Variants in NUP98 observed in about 807,000 individuals in gnomAD.
NUP98 encodes nucleoporin 98 and 96 precursor.
Under a neutral mutation model 191.9 loss-of-function variants are expected in NUP98, and 26 were observed. That is an observed-to-expected ratio of 0.14 (90% CI 0.10 to 0.19). NUP98 has a LOEUF of 0.19. Ranked by LOEUF, NUP98 falls within the 10% of genes least tolerant of loss-of-function variation. The probability of loss-of-function intolerance (pLI) is 1.00; values close to 1 mark genes in which losing one functional copy is unlikely to be tolerated. For synonymous variants in NUP98, 808 were observed against 778.4 expected (o/e 1.04, Z -0.63); for missense variants, 1,941 against 2,178.8 (o/e 0.89, Z 2.17).
At position 3,676,307 on chromosome 11, in the gene NUP98, G is replaced by A; in HGVS notation, c.5255C>T (p.Ser1752Phe). 6.2e-7 allele frequency: 1 copy of A among 1,614,136 alleles called. No individual in the cohort carries two copies. The highest frequency in any genetic ancestry group is 1.1e-5 in the South Asian group (1 of 91,086). The change falls in exon 33 of 33, where the codon TCC (serine) becomes TTC (phenylalanine). Residue 1752 changes from serine to phenylalanine, a missense_variant. This residue lies in a region of NUP98 where 1,030 missense variants were observed against 1,115.8 expected (regional missense o/e 0.92). Transcript: ENST00000324932. ...TCGCTGAGGGTCTGGTGTTGAGTCG[G>A]AGGTTCTATCAGGAGGATGATGCAG... is the stretch of plus-strand genomic sequence containing the variant. ...LSLHHPPDRT[S>F]DSTPDPQRVP... is the part of the protein sequence containing the mutation.
intron 17 of NUP98, 119 bp downstream of exon 17, chr11:3,720,593 C>T: frequency 2.0e-6 from 1 of 512,142 alleles, no homozygotes; most frequent in Non-Finnish European, 3.5e-6. Context: ...ATTTAAGATT[C>T]AGGCCAAGGT....
At chr11:3,768,483 G>T in intron 8 of NUP98, 98 bp downstream of exon 8, 9 of 992,120 alleles carry the variant, frequency 9.1e-6, no homozygotes, top group African/African-American at 1.7e-5. Flanking sequence ...CTTAAGATTT[G>T]CAGTACAGGT....
At position 3,676,526 on chromosome 11, in the gene NUP98, T is replaced by A; in HGVS notation, c.5168A>T (p.Asp1723Val). The A allele has an allele frequency of 1.2e-6, 2 of 1,614,028 alleles. No homozygotes were observed. Among genetic ancestry groups the A allele is most frequent in the South Asian group, 1.1e-5 (1 of 91,074 alleles). The stretch of plus-strand genomic sequence containing the variant: ...AGGCTTACCTGACTGAGCCAGGCGA[T>A]CTTTAGCACTGTAACACTGAATCTG... Reference protein sequence around the residue: ...IEQIQCYSAKDRLAQSDMAKR... With the variant: ...IEQIQCYSAKVRLAQSDMAKR... Residue 1723 changes from aspartate to valine, a missense_variant, in exon 32 of 33, where the codon GAT (aspartate) becomes GTT (valine). Transcript: ENST00000324932.
chr11:3,707,580 C>T (rs1249153079), intron 20 of NUP98, among the ~76,000 whole-genome samples: 1 of 150,220 alleles, frequency 6.7e-6, no homozygotes, highest in Non-Finnish European at 1.5e-5. Context: ...GTGAAACTGT[C>T]TCTACTAAAA....
intron 8 of NUP98, among the ~76,000 whole-genome samples, chr11:3,764,896 G>GT (rs1297872180): frequency 6.6e-6 from 1 of 151,980 alleles, no homozygotes; most frequent in East Asian, 1.9e-4. Flanking sequence ...TTTTTTTATT[G>GT]TATCTTTCAA....
chr11:3,758,329 A>C (rs1257130766), intron 10 of NUP98, among the ~76,000 whole-genome samples: 1 of 151,970 alleles, frequency 6.6e-6, no homozygotes, highest in East Asian at 1.9e-4. Context: ...TCAAAAAAAA[A>C]AAAAGAAAGA....
At chr11:3,759,393 T>C (rs956630881) in intron 10 of NUP98, among the ~76,000 whole-genome samples, 2 of 151,964 alleles carry the variant, frequency 1.3e-5, no homozygotes, top group African/African-American at 4.8e-5. Flanking sequence ...GCTCAGGAGT[T>C]CAAGACGAGC....
Position 3,744,596 on chromosome 11 carries a change from C to T in NUP98, c.1321G>A (p.Gly441Arg). The T allele has an allele frequency of 6.2e-7, 1 of 1,613,602 alleles. No homozygotes were observed. Among genetic ancestry groups the T allele is most frequent in the Non-Finnish European group, 8.5e-7 (1 of 1,179,642 alleles). ...CCAAAGGCTCCTGTACCAAGAGGCC[C>T]TCCAATCTTAGGTTGGTTGTTCCCA... ...LFGNNQPKIGGPLGTGAFGAP... is the reference protein window; with the variant it reads ...LFGNNQPKIGRPLGTGAFGAP... The change falls in exon 12 of 33, where the codon GGG becomes AGG. Residue 441 changes from glycine to arginine, a missense_variant. Gly to Arg is a moderately radical substitution (Grantham distance 125). Coordinates refer to ENST00000324932, the MANE Select transcript of NUP98 (RefSeq NM_016320.5).
chr11:3,773,377 A>G (rs921066157), intron 6 of NUP98, among the ~76,000 whole-genome samples: 2 of 152,090 alleles, frequency 1.3e-5, no homozygotes, highest in African/African-American at 4.8e-5. Context: ...CCTGGGCAAA[A>G]AAGCCCATCT....
chr11:3,698,175 G>A (rs11029116), intron 25 of NUP98, among the ~76,000 whole-genome samples: 7,836 of 152,182 alleles, frequency 0.051, 451 homozygotes, highest in South Asian at 0.17. Context: ...GAAAAGAACA[G>A]AATATAATAC....
intron 10 of NUP98, among the ~76,000 whole-genome samples, chr11:3,754,512 AC>A (rs2080888078): frequency 6.6e-6 from 1 of 152,196 alleles, no homozygotes; most frequent in African/African-American, 2.4e-5. Context: ...AAAATTACTT[AC>A]AAAACTTTCC....
intron 8 of NUP98, among the ~76,000 whole-genome samples, chr11:3,765,472 A>G (rs537629259): frequency 2.0e-5 from 3 of 152,310 alleles, no homozygotes; most frequent in Admixed American, 2.0e-4. Context: ...TTCTTCTAAC[A>G]GTTTTATAAT....
At chr11:3,784,596 C>A (rs11029742) in intron 1 of NUP98, among the ~76,000 whole-genome samples, 30,222 of 139,280 alleles carry the variant, frequency 0.22, 3,850 homozygotes, top group Non-Finnish European at 0.28. Flanking sequence ...AAAAAAAAAA[C>A]AAAAAAAAAC....
intron 12 of NUP98, 126 bp from the exon 13 acceptor site, chr11:3,735,450 G>T: frequency 2.4e-6 from 1 of 411,568 alleles, no homozygotes; most frequent in East Asian, 4.5e-5. Context: ...CAGATCAATG[G>T]TATCATTGGG....
At chr11:3,749,945 A>G (rs1278851950) in intron 11 of NUP98, among the ~76,000 whole-genome samples, 2 of 152,226 alleles carry the variant, frequency 1.3e-5, no homozygotes, top group East Asian at 1.9e-4. Flanking sequence ...AAATATGCGT[A>G]TATTCCAACA....
At chr11:3,784,967 G>A (rs1398344743) in intron 1 of NUP98, among the ~76,000 whole-genome samples, 2 of 151,746 alleles carry the variant, frequency 1.3e-5, no homozygotes, top group Non-Finnish European at 2.9e-5. Context: ...TGAAACCCCC[G>A]TCTCTACTAA....
Position 3,731,516 on chromosome 11 carries a change from C to T in NUP98, c.1605G>A (p.Leu535=), listed in dbSNP as rs1589828884. Residue 535 remains leucine, a synonymous_variant, in exon 14 of 33, where the codon CTG becomes CTA. Transcript: ENST00000324932. The part of the protein sequence containing the change: ...KALTTPTHYK[L]TPRPATRVRP... ...GGACTCTAGTGGCAGGGCGGGGTGT[C>T]AGTTTATAATGAGTAGGTGTAGTAA... 1 of 1,607,876 alleles carries T rather than the reference C, an allele frequency of 6.2e-7. No homozygotes were observed. The highest frequency in any genetic ancestry group is 2.2e-5 in the East Asian group (1 of 44,678).
At chr11:3,772,114 T>C (rs2081550708) in intron 6 of NUP98, among the ~76,000 whole-genome samples, 186 bp from the exon 7 acceptor site, 1 of 152,134 alleles carries the variant, frequency 6.6e-6, no homozygotes, top group African/African-American at 2.4e-5. Context: ...CTAAAATCCA[T>C]ACCATAATTA....
In NUP98 at chr11:3,693,349, T is replaced by C. The variant is rs1333666877; in HGVS notation, c.4194A>G (p.Gln1398=). Residue 1398 remains glutamine (Q), a synonymous_variant, in exon 27 of 33, where the codon CAA becomes CAG. Coordinates refer to ENST00000324932, the MANE Select transcript of NUP98 (RefSeq NM_016320.5). ...KPVWQLSEKK[Q]INVCSQLDWK... Reference sequence around the variant, plus strand: ...AATCCAACTGGGAGCACACGTTTATTTGCTTCTTTTCTGAGAGCTGCCACA... The same window carrying C: ...AATCCAACTGGGAGCACACGTTTATCTGCTTCTTTTCTGAGAGCTGCCACA... 6.2e-7 allele frequency: 1 copy of C among 1,614,218 alleles called. No individual in the cohort carries two copies.
Sources: allele counts gnomAD v4.1 joint callset (sites outside exome capture counted in the v4.1 genomes callset), GRCh38; gene constraint gnomAD v4.1.1; regional missense constraint gnomAD v4.1.1; transcripts MANE v1.5; gene names NCBI Gene and HGNC (gene_info 2026-07-23, HGNC 2026-07-21).